Variants in ZER1 observed in about 807,000 individuals in gnomAD.
The protein encoded by ZER1 is zyg-11 related cell cycle regulator, also known as protein zer-1 homolog.
Under a neutral mutation model 78.8 loss-of-function variants are expected in ZER1, and 11 were observed. The ratio of observed to expected loss-of-function variants is 0.14; its 90% CI spans 0.09 to 0.23. ZER1 has a LOEUF of 0.23. Ranked by LOEUF, ZER1 falls within the 10% of genes least tolerant of loss-of-function variation. The pLI, the probability that ZER1 is intolerant of heterozygous loss-of-function variation, is 1.00. For synonymous variants in ZER1, 400 were observed against 407.0 expected (o/e 0.98, Z 0.21); for missense variants, 588 against 996.9 (o/e 0.59, Z 5.52).
intron 1 of ZER1, among the ~76,000 whole-genome samples, chr9:128,758,825 C>T (rs1230459599): frequency 6.6e-6 from 1 of 152,082 alleles, no homozygotes; most frequent in African/African-American, 2.4e-5. Flanking sequence ...AGGGGAATCT[C>T]ATCTGTGGTG....
intron 14 of ZER1, 148 bp downstream of exon 14, chr9:128,735,186 C>T (rs1336406325): frequency 1.4e-6 from 1 of 721,626 alleles, no homozygotes; most frequent in Non-Finnish European, 2.2e-6. Context: ...CTGGGTGTCC[C>T]ACAAACGCTG....
chr9:128,771,453 G>C (rs1864380801), intron 1 of ZER1, 128 bp downstream of exon 1: 1 of 152,292 alleles, frequency 6.6e-6, no homozygotes, highest in Non-Finnish European at 1.5e-5. Flanking sequence ...GATAGAGAAA[G>C]GAACCCTCCC....
Position 128,741,676 on chromosome 9 carries a change from C to G in ZER1, c.1618-22G>C, listed in dbSNP as rs146506402. On this transcript the variant is annotated intron_variant, in intron 10 of 15. Transcript: ENST00000291900. ...CACACTGTGAGGGCAGGGCAGGGCT[C>G]AGCCAAGGCTCCTGGTACCCGGGGA... is the stretch of plus-strand genomic sequence containing the variant. 90 of 1,614,102 alleles carry G rather than the reference C, an allele frequency of 5.6e-5. No individual in the cohort carries two copies. In the East Asian group the frequency reaches 2.0e-3, roughly 36 times the overall value.
intron 1 of ZER1, among the ~76,000 whole-genome samples, chr9:128,766,845 CAAAAAAAAAAAAAA>C (rs1176953959): frequency 2.6e-4 from 13 of 49,652 alleles, no homozygotes; most frequent in African/African-American, 1.2e-3. Context: ...GATTCCGTCT[CAAAAAAAAAAAAAA>C]AAAAAAAAAG....
Position 128,755,573 on chromosome 9 carries a change from G to A in ZER1, c.-8C>T. ...GGGAGTGTCGGACGCCATGCTGGGG[G>A]CAAGCAGGTGGGCCACTCCAGGACA... On this transcript the variant is annotated 5_prime_UTR_variant, in exon 2 of 16. Transcript: ENST00000291900. This position sits in a 1 kb window ranked among gnomAD's most constrained non-coding sequence, Gnocchi z 5.6. 1.2e-6 allele frequency: 2 copies of A among 1,609,078 alleles called. No individual in the cohort carries two copies. The highest frequency in any genetic ancestry group is 1.7e-5 in the Admixed American group (1 of 59,962).
intron 8 of ZER1, among the ~76,000 whole-genome samples, chr9:128,746,931 G>A (rs982073408): frequency 2.6e-5 from 4 of 151,984 alleles, no homozygotes; most frequent in South Asian, 2.1e-4. Flanking sequence ...CCACTGCGCC[G>A]GCCTAAAAAA....
In ZER1 at chr9:128,771,732, G is replaced by C. The variant is rs887023652; in HGVS notation, c.-246C>G. The stretch of plus-strand genomic sequence containing the variant: ...TAGAGCCGGGGTCCAGGGGAGACGG[G>C]GGTCGGCGGGGCGGAGCTTGGGATC... On this transcript the variant is annotated 5_prime_UTR_variant, in exon 1 of 16. Transcript: ENST00000291900. The C allele has an allele frequency of 1.3e-5, 2 of 152,292 alleles. No individual in the cohort carries two copies. Among genetic ancestry groups the C allele is most frequent in the African/African-American group, 4.8e-5 (2 of 41,444 alleles). The allele number at this position is 152,292 out of a possible 1,614,324, so 9.4% of individuals were successfully genotyped here. A position where few individuals can be genotyped will look rare whatever the true frequency, so the allele number is the denominator to read the frequency against.
intron 13 of ZER1, among the ~76,000 whole-genome samples, chr9:128,736,592 C>T (rs961242815): frequency 2.0e-5 from 3 of 151,050 alleles, no homozygotes; most frequent in African/African-American, 7.3e-5. Flanking sequence ...TGCTGTTGGC[C>T]AGGCTGGTCT....
At chr9:128,762,640 G>A (rs1276965737) in intron 1 of ZER1, among the ~76,000 whole-genome samples, 4 of 152,180 alleles carry the variant, frequency 2.6e-5, no homozygotes, top group South Asian at 2.1e-4. Flanking sequence ...AAAGACAACC[G>A]TTATTATGTT....
chr9:128,758,154 C>T (rs1423010938), intron 1 of ZER1, among the ~76,000 whole-genome samples: 4 of 137,056 alleles, frequency 2.9e-5, no homozygotes, highest in African/African-American at 1.1e-4. Context: ...GAGTCTTGCT[C>T]TGTTGCTCAG....
rs1046773225 is a variant in ZER1 at position 128,745,364 on chromosome 9, A to AT, written c.1360-2620dup. Among the ~76,000 whole-genome samples the AT allele has an allele frequency of 1.4e-4, 21 of 149,400 alleles. No homozygotes were observed. In the South Asian group the frequency reaches 3.4e-3, roughly 24 times the overall value. On this transcript the variant is annotated intron_variant, in intron 8 of 15. Transcript: ENST00000291900. ...ACCACATCTGGCCAATTAAAAAAAA[A>AT]TTTTTTTTTTGAGATGGAGTCTCAT...
Position 128,742,655 on chromosome 9 carries a change from T to C in ZER1, c.1450A>G (p.Ser484Gly), listed in dbSNP as rs1206228671. The change falls in exon 9 of 16, where the codon AGC (serine) becomes GGC (glycine). Residue 484 changes from serine (S) to glycine (G), a missense_variant. Physicochemically the swap from Ser to Gly is moderately conservative, Grantham distance 56. Coordinates refer to ENST00000291900, the MANE Select transcript of ZER1 (RefSeq NM_006336.4). ...TCCTGCCGCGTGGGGTTGAGGATGC[T>C]GAGCAGGAGCTCGTTGACCCGGCGG... ...QYRRVNELLL[S>G]ILNPTRQDES... 4 of 1,614,254 alleles carry C rather than the reference T, an allele frequency of 2.5e-6. No individual in the cohort carries two copies. Among genetic ancestry groups the C allele is most frequent in the Non-Finnish European group, 2.5e-6 (3 of 1,180,050 alleles).
rs374275671 is a variant in ZER1 at position 128,759,249 on chromosome 9, C to T, written c.-94-3590G>A. Among the ~76,000 whole-genome samples, 252 of 152,042 alleles carry T rather than the reference C, an allele frequency of 1.7e-3. 1 individual carries two copies. The highest frequency in any genetic ancestry group is 5.7e-3 in the African/African-American group (235 of 41,506). ...GCAGTGGCACGATCTCAGCTCACTG[C>T]AACCTCCGCCTCTCAGGTTCAAGCG... On this transcript the variant is annotated intron_variant, in intron 1 of 15. Transcript: ENST00000291900.
At chr9:128,731,477 G>T in intron 15 of ZER1, 83 bp from the exon 16 acceptor site, 1 of 1,155,598 alleles carries the variant, frequency 8.7e-7, no homozygotes, top group Non-Finnish European at 1.3e-6. Flanking sequence ...TAGGCAGCTG[G>T]GTAAACACGT....
At chr9:128,765,528 CA>C (rs1864180868) in intron 1 of ZER1, among the ~76,000 whole-genome samples, 1 of 152,184 alleles carries the variant, frequency 6.6e-6, no homozygotes, top group Admixed American at 6.5e-5. Context: ...TCCATCCAAA[CA>C]ATGGGAGGGA....
intron 15 of ZER1, 87 bp downstream of exon 15, chr9:128,733,339 G>C: frequency 3.5e-6 from 4 of 1,135,154 alleles, no homozygotes; most frequent in Non-Finnish European, 5.2e-6. Context: ...GGGAATTTCA[G>C]CCATTCCTAA....
chr9:128,755,542 C>T lies in ZER1; in HGVS notation c.24G>A (p.Ser8=), dbSNP rs532192430. The change falls in exon 2 of 16, where the codon TCG becomes TCA. Residue 8 remains serine (S), a synonymous_variant. Transcript: ENST00000291900. This position sits in a 1 kb window ranked among gnomAD's most constrained non-coding sequence, Gnocchi z 5.6. The part of the protein sequence containing the change: MASDTPE[S]LMALCTDFCL... ...AGAAGTCAGTACAGAGGGCCATCAG[C>T]GACTCGGGAGTGTCGGACGCCATGC... The T allele has an allele frequency of 4.1e-5, 66 of 1,613,684 alleles. No homozygotes were observed. The highest frequency in any genetic ancestry group is 1.7e-4 in the Middle Eastern group (1 of 6,058).
In ZER1 at chr9:128,731,341, C is replaced by G. The variant is rs376528001; in HGVS notation, c.2297G>C (p.Arg766Thr). 1.4e-5 allele frequency: 22 copies of G among 1,606,788 alleles called. No homozygotes were observed. The highest frequency in any genetic ancestry group is 2.7e-5 in the African/African-American group (2 of 74,092). Residue 766 changes from arginine to threonine, a missense_variant, in exon 16 of 16, where the codon AGA (arginine) becomes ACA (threonine). This residue lies in a region of ZER1 where 122 missense variants were observed against 173.5 expected (regional missense o/e 0.70). Coordinates refer to ENST00000291900, the MANE Select transcript of ZER1 (RefSeq NM_006336.4). ...NFKEENMDTS[R>T] ...CGGCCATGGGGACGGAGGCCTCTAT[C>G]TAGACGTGTCCATGTTCTCCTCTTT... is the stretch of plus-strand genomic sequence containing the variant.
In ZER1 at chr9:128,751,331, G is replaced by T; in HGVS notation, c.1039-63C>A. On this transcript the variant is annotated intron_variant, in intron 6 of 15. Transcript: ENST00000291900. This position sits in a 1 kb window ranked among gnomAD's most constrained non-coding sequence, Gnocchi z 5.4. ...CCAAGGGCTGGGATGCCAGATCCCA[G>T]CTCAGTCTCCAGCCCCAGAATCCAG... is the stretch of plus-strand genomic sequence containing the variant. 1 of 1,608,390 alleles carries T rather than the reference G, an allele frequency of 6.2e-7. No individual in the cohort carries two copies. Among genetic ancestry groups the T allele is most frequent in the Non-Finnish European group, 8.5e-7 (1 of 1,175,648 alleles).
Sources: gnomAD v4.1 joint callset for allele counts (sites outside exome capture counted in the v4.1 genomes callset) on GRCh38, gnomAD v4.1.1 for gene constraint, gnomAD v4.1.1 regional missense constraint, Gnocchi (gnomAD v3.1) non-coding constraint, MANE v1.5 for transcripts, NCBI Gene and HGNC (gene_info 2026-07-23, HGNC 2026-07-21) for gene names.